Variants in CATSPERB observed in about 807,000 individuals in gnomAD.
CATSPERB encodes cation channel sperm-associated auxiliary subunit beta.
CATSPERB carries 93 observed loss-of-function variants against 128.3 expected under a neutral mutation model. The ratio of observed to expected loss-of-function variants is 0.72; its 90% CI spans 0.61 to 0.86. The LOEUF (loss-of-function observed/expected upper bound fraction) is 0.86. Ranked by LOEUF, CATSPERB falls within the 40% of genes least tolerant of loss-of-function variation. The pLI is 0.00. For synonymous variants in CATSPERB, 381 were observed against 448.8 expected, an observed-to-expected ratio of 0.85 and a Z score of 1.91; for missense variants, 1,153 against 1,329.5, an observed-to-expected ratio of 0.87 and a Z score of 2.06.
At chr14:91,693,525 G>T in intron 7 of CATSPERB, 46 bp from the exon 8 acceptor site, 1 of 1,442,786 alleles carries the variant, frequency 6.9e-7, no homozygotes, top group Non-Finnish European at 9.7e-7. Context: ...ACTTTACAAG[G>T]TGAGTCACCT....
intron 7 of CATSPERB, among the ~76,000 whole-genome samples, chr14:91,698,607 T>G (rs1895599700): frequency 6.6e-6 from 1 of 152,244 alleles, no homozygotes; most frequent in Admixed American, 6.5e-5. Context: ...CATGAAGGGA[T>G]GTTAGGTTTT....
At chr14:91,589,729 C>T (rs1446660211) in intron 23 of CATSPERB, 60 bp from the exon 24 acceptor site, 2 of 1,544,152 alleles carry the variant, frequency 1.3e-6, no homozygotes, top group Admixed American at 1.8e-5. Context: ...CACTTCATTT[C>T]CTGGTAAAAA....
intron 18 of CATSPERB, 42 bp downstream of exon 18, chr14:91,624,778 T>A (rs533457683): frequency 1.4e-6 from 2 of 1,400,888 alleles, no homozygotes; most frequent in East Asian, 5.0e-5. Context: ...AATTTTTCAT[T>A]TTTTTCTAGC....
At chr14:91,605,335 G>A (rs1446427757) in intron 22 of CATSPERB, 7 of 714,556 alleles carry the variant, frequency 9.8e-6, no homozygotes, top group Middle Eastern at 4.1e-4. Context: ...TATTGGGGAA[G>A]AGGAGGAAAA....
intron 7 of CATSPERB, among the ~76,000 whole-genome samples, chr14:91,701,264 A>G (rs915105371): frequency 2.0e-5 from 3 of 152,216 alleles, no homozygotes; most frequent in African/African-American, 7.2e-5. Context: ...CATGTTTCAA[A>G]CAAGAGGACA....
At position 91,674,214 on chromosome 14, in the gene CATSPERB, C is replaced by T. The variant is rs756804362; in HGVS notation, c.940G>A (p.Val314Ile). Residue 314 changes from valine to isoleucine, a missense_variant, in exon 12 of 27, where the codon GTT becomes ATT. Transcript: ENST00000256343. ...ANREHFEVDY[V>I]TVTFERNRTL... Reference sequence around the variant, plus strand: ...CTGTTTCTCTCAAAGGTAACTGTAACATAATCAACTGTGAAATAAATACAA... The same window carrying T: ...CTGTTTCTCTCAAAGGTAACTGTAATATAATCAACTGTGAAATAAATACAA... 5 of 1,536,586 alleles carry T rather than the reference C, an allele frequency of 3.3e-6. No individual in the cohort carries two copies. The South Asian group carries it at 4.6e-5, about 14-fold the overall frequency.
At chr14:91,655,829 C>T (rs1704677) in intron 15 of CATSPERB, among the ~76,000 whole-genome samples, 30,849 of 151,852 alleles carry the variant, frequency 0.2, 3,339 homozygotes, top group African/African-American at 0.25. Context: ...ATATCAATAT[C>T]CAAGCACAAG....
chr14:91,727,254 A>G (rs575640971), intron 2 of CATSPERB, among the ~76,000 whole-genome samples: 1 of 152,206 alleles, frequency 6.6e-6, no homozygotes, highest in African/African-American at 2.4e-5. Flanking sequence ...TCCCTGATCC[A>G]TTTCTCCTGT....
intron 9 of CATSPERB, among the ~76,000 whole-genome samples, chr14:91,692,329 C>T (rs1229619428): frequency 6.6e-6 from 1 of 152,076 alleles, no homozygotes; most frequent in African/African-American, 2.4e-5. Flanking sequence ...TCAGGACTTA[C>T]AATATACAAT....
intron 12 of CATSPERB, among the ~76,000 whole-genome samples, chr14:91,673,967 C>T (rs540626539): frequency 2.8e-4 from 43 of 151,996 alleles, no homozygotes; most frequent in South Asian, 2.5e-3. Context: ...CTTTCTGGTA[C>T]GAATTGTTTT....
intron 5 of CATSPERB, among the ~76,000 whole-genome samples, chr14:91,712,455 G>A (rs7159064): frequency 0.33 from 49,914 of 151,960 alleles, 8,474 homozygotes; most frequent in South Asian, 0.47. Context: ...GTAAGTAATG[G>A]TAGTCATAGC....
At chr14:91,638,873 T>G (rs1894431763) in intron 16 of CATSPERB, among the ~76,000 whole-genome samples, 1 of 152,222 alleles carries the variant, frequency 6.6e-6, no homozygotes, top group African/African-American at 2.4e-5. Flanking sequence ...TGCATGAAGA[T>G]ATTCTAGGTG....
At chr14:91,717,073 C>T (rs1895956316) in intron 5 of CATSPERB, among the ~76,000 whole-genome samples, 1 of 152,126 alleles carries the variant, frequency 6.6e-6, no homozygotes, top group African/African-American at 2.4e-5. Flanking sequence ...GAGACTATAA[C>T]ATAGACAAAT....
rs11432858 is a variant in CATSPERB, at chr14:91,622,893, C to CTTT, written c.1931-959_1931-957dup. Among the ~76,000 whole-genome samples the CTTT allele has an allele frequency of 9.2e-4, 118 of 127,784 alleles. 7 individuals carry two copies. Among genetic ancestry groups the CTTT allele is most frequent in the Admixed American group, 2.7e-3 (32 of 11,964 alleles). 83.8% of individuals were successfully genotyped at this position (127,784 alleles called of 152,430 possible). Reference sequence around the variant, plus strand: ...AGCTTTTTGTCAAAGTTCTCAATGACTTTTTTTTTTTTTTTTTTGATATGG... The same window carrying CTTT: ...AGCTTTTTGTCAAAGTTCTCAATGACTTTTTTTTTTTTTTTTTTTTTGATATGG... On this transcript the variant is annotated intron_variant, in intron 18 of 26. Coordinates refer to ENST00000256343, the MANE Select transcript of CATSPERB (RefSeq NM_024764.4).
intron 18 of CATSPERB, among the ~76,000 whole-genome samples, chr14:91,622,975 A>C (rs1264620397): frequency 6.6e-6 from 1 of 150,386 alleles, no homozygotes; most frequent in Non-Finnish European, 1.5e-5. Flanking sequence ...GCTCACTGCA[A>C]CCTCCACCTC....
chr14:91,602,688 T>C (rs1458224469), intron 22 of CATSPERB, among the ~76,000 whole-genome samples: 1 of 151,970 alleles, frequency 6.6e-6, no homozygotes, highest in Non-Finnish European at 1.5e-5. Flanking sequence ...TTATCAGAAA[T>C]AAAATATAAA....
At chr14:91,653,935 G>A (rs1894748014) in intron 15 of CATSPERB, among the ~76,000 whole-genome samples, 1 of 152,184 alleles carries the variant, frequency 6.6e-6, no homozygotes, top group Non-Finnish European at 1.5e-5. Flanking sequence ...TCTAAATGAG[G>A]TGAAGCAGAT....
chr14:91,648,004 C>T (rs947193172), intron 15 of CATSPERB, among the ~76,000 whole-genome samples: 16 of 152,192 alleles, frequency 1.1e-4, no homozygotes, highest in Non-Finnish European at 1.0e-4. Flanking sequence ...TGATGTTCAT[C>T]ATATCATTAC....
intron 16 of CATSPERB, 113 bp from the exon 17 acceptor site, chr14:91,636,692 T>A: frequency 1.1e-6 from 1 of 882,726 alleles, no homozygotes; most frequent in Non-Finnish European, 1.7e-6. Flanking sequence ...CTGGTTTACT[T>A]ATCAATTGGA....
Sources: gnomAD v4.1 joint callset for allele counts (sites outside exome capture counted in the v4.1 genomes callset) on GRCh38, gnomAD v4.1.1 for gene constraint, MANE v1.5 for transcripts, NCBI Gene and HGNC (gene_info 2026-07-23, HGNC 2026-07-21) for gene names.